The following ARL15 variants were observed in gnomAD, a reference collection of about 807,000 sequenced individuals.
The protein encoded by ARL15 is ADP-ribosylation factor-like protein 15.
In ARL15, 19 loss-of-function variants were observed where a neutral mutation model predicts 25.2. The ratio of observed to expected loss-of-function variants is 0.75; its 90% CI spans 0.53 to 1.10. ARL15 has a LOEUF of 1.10. Among genes scored for constraint, ARL15 ranks in the 50% least tolerant of loss-of-function variants. ARL15 has a pLI of 0.00. For missense variants in ARL15, 220 were observed against 246.0 expected, an observed-to-expected ratio of 0.89 and a Z score of 0.71; for synonymous variants, 94 against 86.8, an observed-to-expected ratio of 1.08 and a Z score of -0.46.
intron 4 of ARL15, among the ~76,000 whole-genome samples, chr5:54,058,981 AT>A (rs1750974886): frequency 6.6e-6 from 1 of 152,196 alleles, no homozygotes; most frequent in Non-Finnish European, 1.5e-5. Context: ...TTTTGAAAGG[AT>A]AATTTTAATT....
At chr5:54,263,767 A>C (rs1579962676) in intron 1 of ARL15, among the ~76,000 whole-genome samples, 1 of 152,238 alleles carries the variant, frequency 6.6e-6, no homozygotes, top group East Asian at 1.9e-4. Context: ...AACCCCATCC[A>C]TACAACCCCC....
chr5:53,979,169 A>G (rs1438817490), intron 4 of ARL15, among the ~76,000 whole-genome samples: 1 of 152,160 alleles, frequency 6.6e-6, no homozygotes, highest in Non-Finnish European at 1.5e-5. Context: ...AACACAGATT[A>G]TTATACGTTA....
chr5:54,224,812 T>A (rs986049140), intron 1 of ARL15, among the ~76,000 whole-genome samples: 1 of 152,108 alleles, frequency 6.6e-6, no homozygotes, highest in Admixed American at 6.5e-5. Context: ...TTAAAAAAAA[T>A]AAAGCAAAAA....
intron 4 of ARL15, among the ~76,000 whole-genome samples, chr5:54,020,070 CA>C (rs1749546808): frequency 6.6e-6 from 1 of 152,004 alleles, no homozygotes; most frequent in Admixed American, 6.6e-5. Context: ...GAAATATAAC[CA>C]AAAAAGTAAA....
At chr5:54,174,659 C>T (rs577643355) in intron 1 of ARL15, among the ~76,000 whole-genome samples, 1 of 152,324 alleles carries the variant, frequency 6.6e-6, no homozygotes, top group Non-Finnish European at 1.5e-5. Context: ...TAACTACTAA[C>T]AGCATTCTAA....
At chr5:53,974,431 A>G (rs978930902) in intron 4 of ARL15, among the ~76,000 whole-genome samples, 1 of 152,232 alleles carries the variant, frequency 6.6e-6, no homozygotes, top group African/African-American at 2.4e-5. Flanking sequence ...AATTTCTGCC[A>G]TATATTGGTA....
intron 4 of ARL15, 61 bp downstream of exon 4, chr5:54,113,141 C>G: frequency 6.5e-7 from 1 of 1,542,238 alleles, no homozygotes; most frequent in Non-Finnish European, 8.8e-7. Flanking sequence ...TTCCAGGTTC[C>G]AACGTGGCAG....
chr5:53,974,446 T>A (rs1199050167), intron 4 of ARL15, among the ~76,000 whole-genome samples: 2 of 152,230 alleles, frequency 1.3e-5, no homozygotes, highest in African/African-American at 4.8e-5. Flanking sequence ...TTGGTAGACA[T>A]TAATTATTTT....
At chr5:54,048,452 G>C (rs1333232012) in intron 4 of ARL15, 1 of 145,904 alleles carries the variant, frequency 6.9e-6, no homozygotes, top group East Asian at 2.0e-4. Context: ...GCCTAGGCTA[G>C]AATGCAATGG....
At chr5:54,267,361 G>A (rs1757656302) in intron 1 of ARL15, among the ~76,000 whole-genome samples, 1 of 152,178 alleles carries the variant, frequency 6.6e-6, no homozygotes, top group South Asian at 2.1e-4. Context: ...AAAGTGCTGG[G>A]ATTACAGGCA....
chr5:54,170,945 C>T (rs1422265478), intron 2 of ARL15, among the ~76,000 whole-genome samples: 7 of 152,208 alleles, frequency 4.6e-5, no homozygotes, highest in Non-Finnish European at 2.9e-5. Flanking sequence ...CTCCTTCCTT[C>T]TCAGCTCTCT....
intron 3 of ARL15, among the ~76,000 whole-genome samples, chr5:54,153,099 A>G (rs1304471314): frequency 6.6e-6 from 1 of 152,248 alleles, no homozygotes; most frequent in Admixed American, 6.5e-5. Context: ...AGTAACAGCC[A>G]TATTTAAAAC....
chr5:54,246,725 T>C (rs1326908668), intron 1 of ARL15, among the ~76,000 whole-genome samples: 1 of 151,924 alleles, frequency 6.6e-6, no homozygotes, highest in East Asian at 1.9e-4. Flanking sequence ...TATTCACATG[T>C]TTTCATCAAG....
chr5:54,068,251 C>T (rs1330698797), intron 4 of ARL15, among the ~76,000 whole-genome samples: 3 of 152,130 alleles, frequency 2.0e-5, no homozygotes, highest in Non-Finnish European at 4.4e-5. Flanking sequence ...TGAATTAAGA[C>T]AAAACAAAGC....
At chr5:53,888,097 C>G (rs1368055385) in intron 4 of ARL15, among the ~76,000 whole-genome samples, 1 of 151,524 alleles carries the variant, frequency 6.6e-6, no homozygotes, top group East Asian at 1.9e-4. Context: ...AAAAAAAAAC[C>G]TGTGAGAATT....
At chr5:54,083,603 T>G (rs1240951326) in intron 4 of ARL15, among the ~76,000 whole-genome samples, 1 of 152,162 alleles carries the variant, frequency 6.6e-6, no homozygotes, top group Non-Finnish European at 1.5e-5. Context: ...CATTTTCTCC[T>G]CATTTAGGTT....
intron 3 of ARL15, among the ~76,000 whole-genome samples, chr5:54,137,477 G>C (rs1346951412): frequency 6.6e-6 from 1 of 152,044 alleles, no homozygotes. Context: ...TCTTTAAACT[G>C]GTGGCCCAGC....
chr5:53,965,410 T>C (rs1747520768), intron 4 of ARL15, among the ~76,000 whole-genome samples: 1 of 152,196 alleles, frequency 6.6e-6, no homozygotes, highest in African/African-American at 2.4e-5. Context: ...AGCAATCTTC[T>C]GAAACTGATT....
chr5:54,173,061 T>C (rs1286068798), intron 1 of ARL15, among the ~76,000 whole-genome samples: 2 of 151,870 alleles, frequency 1.3e-5, no homozygotes, highest in East Asian at 3.9e-4. Context: ...CAGGCACCTG[T>C]AATTCCAGCT....
Sources: allele counts gnomAD v4.1 joint callset (sites outside exome capture counted in the v4.1 genomes callset), GRCh38; gene constraint gnomAD v4.1.1; transcripts MANE v1.5; gene names NCBI Gene and HGNC (gene_info 2026-07-23, HGNC 2026-07-21).